Variants in SIPA1L2 observed in about 807,000 individuals in gnomAD.
The protein encoded by SIPA1L2 is signal-induced proliferation-associated 1-like protein 2.
A neutral mutation model predicts 163.9 loss-of-function variants in SIPA1L2; 56 were observed. The ratio of observed to expected loss-of-function variants is 0.34; its 90% confidence interval spans 0.28 to 0.43. SIPA1L2 has a LOEUF of 0.43. Ranked by LOEUF, SIPA1L2 falls within the 20% of genes least tolerant of loss-of-function variation. The pLI, the probability that SIPA1L2 is intolerant of heterozygous loss-of-function variation, is 1.00. For missense variants in SIPA1L2, 1,974 were observed against 2,193.5 expected, an observed-to-expected ratio of 0.90 and a Z score of 2.00; for synonymous variants, 877 against 865.7, an observed-to-expected ratio of 1.01 and a Z score of -0.23.
At chr1:232,588,693 G>GTTT (rs1219438988) in intron 1 of SIPA1L2, among the ~76,000 whole-genome samples, 3 of 152,144 alleles carry the variant, frequency 2.0e-5, no homozygotes, top group Admixed American at 2.0e-4. Context: ...GTGAGGCTAG[G>GTTT]TTTTCTTTGG....
intron 12 of SIPA1L2, among the ~76,000 whole-genome samples, chr1:232,442,721 G>C (rs77798952): frequency 0.022 from 3,367 of 152,168 alleles, 129 homozygotes; most frequent in African/African-American, 0.075. Context: ...TACAGAAAAA[G>C]CCAGAAAAGG....
chr1:232,405,519 G>T (rs184285260), intron 19 of SIPA1L2, among the ~76,000 whole-genome samples: 2 of 152,334 alleles, frequency 1.3e-5, no homozygotes, highest in Non-Finnish European at 2.9e-5. Flanking sequence ...AGAGCTGGGG[G>T]CAGAATCCTG....
At chr1:232,400,575 C>T (rs1031760670) in intron 22 of SIPA1L2, among the ~76,000 whole-genome samples, 6 of 152,152 alleles carry the variant, frequency 3.9e-5, no homozygotes, top group East Asian at 1.9e-4. Flanking sequence ...CTCTAAAAAA[C>T]GTGCCATTAG....
intron 3 of SIPA1L2, among the ~76,000 whole-genome samples, chr1:232,513,633 C>T (rs1366496236): frequency 1.3e-5 from 2 of 152,152 alleles, no homozygotes; most frequent in African/African-American, 2.4e-5. Flanking sequence ...AGGGCATTTA[C>T]ACATTAAGGA....
chr1:232,512,895 G>A (rs1342161469), intron 3 of SIPA1L2, among the ~76,000 whole-genome samples: 1 of 152,246 alleles, frequency 6.6e-6, no homozygotes, highest in Non-Finnish European at 1.5e-5. Flanking sequence ...AGGAGGAGGA[G>A]AGTAGCGGGG....
At position 232,515,430 on chromosome 1, in the gene SIPA1L2, A is replaced by G. The variant is rs1667179196; in HGVS notation, c.-91T>C. The G allele has an allele frequency of 7.5e-7, 1 of 1,334,160 alleles. No individual in the cohort carries two copies. The highest frequency in any genetic ancestry group is 1.5e-5 in the African/African-American group (1 of 68,606). 82.6% of individuals were successfully genotyped at this position (1,334,160 alleles called of 1,614,324 possible). A position where few individuals can be genotyped will look rare whatever the true frequency, so the allele number is the denominator to read the frequency against. Reference sequence around the variant, plus strand: ...CGACCACGCCATAATACTTGCAGATATAAAGGCTTTGTCTGTAGTTGTATT... The same window carrying G: ...CGACCACGCCATAATACTTGCAGATGTAAAGGCTTTGTCTGTAGTTGTATT... On this transcript the variant is annotated 5_prime_UTR_variant, in exon 3 of 23. Coordinates refer to ENST00000674635, the MANE Select transcript of SIPA1L2 (RefSeq NM_020808.5).
intron 2 of SIPA1L2, among the ~76,000 whole-genome samples, chr1:232,557,825 T>C (rs1231461367): frequency 6.6e-6 from 1 of 152,228 alleles, no homozygotes; most frequent in Non-Finnish European, 1.5e-5. Context: ...GATTGTCAGC[T>C]AAATGAAACA....
chr1:232,475,372 AT>A (rs1664990216), intron 7 of SIPA1L2, among the ~76,000 whole-genome samples: 1 of 152,178 alleles, frequency 6.6e-6, no homozygotes, highest in South Asian at 2.1e-4. Flanking sequence ...GATGGCCCTA[AT>A]TTTGCACTTA....
intron 1 of SIPA1L2, among the ~76,000 whole-genome samples, chr1:232,611,266 A>T (rs1424305326): frequency 6.6e-6 from 1 of 152,172 alleles, no homozygotes; most frequent in Admixed American, 6.5e-5. Context: ...CTTTATCAGC[A>T]GCGTGAAAAT....
chr1:232,417,380 T>G (rs1661322311), intron 18 of SIPA1L2, among the ~76,000 whole-genome samples: 2 of 152,194 alleles, frequency 1.3e-5, no homozygotes. Context: ...ATGGATATAT[T>G]GTCCACATTG....
Position 232,461,129 on chromosome 1 carries a change from C to G in SIPA1L2, c.2853G>C (p.Met951Ile). Residue 951 changes from methionine (M) to isoleucine (I), a missense_variant, in exon 10 of 23, where the codon ATG becomes ATC. Physicochemically the swap from Met to Ile is conservative, Grantham distance 10. Around this residue, in one of 3 missense-constraint regions of SIPA1L2, gnomAD observed 1,079 missense variants for 1,150.7 expected, o/e 0.94. Transcript: ENST00000674635. The stretch of plus-strand genomic sequence containing the variant: ...GGCCCAGCCCGTTCCTCCTCAGGGT[C>G]ATTTCCACAGTCTCGCAGCCTCTCG... ...IVTRGCETVE[M>I]TLRRNGLGQL... 2 of 1,614,258 alleles carry G rather than the reference C, an allele frequency of 1.2e-6. No individual in the cohort carries two copies. The highest frequency in any genetic ancestry group is 1.7e-6 in the Non-Finnish European group (2 of 1,180,042).
intron 2 of SIPA1L2, among the ~76,000 whole-genome samples, chr1:232,534,805 C>A (rs755456494): frequency 1.6e-4 from 25 of 152,190 alleles, no homozygotes; most frequent in Non-Finnish European, 2.9e-4. Context: ...GCATCTACAT[C>A]CAGCCTCATG....
intron 2 of SIPA1L2, among the ~76,000 whole-genome samples, chr1:232,562,643 T>C (rs1203533212): frequency 6.6e-6 from 1 of 152,232 alleles, no homozygotes; most frequent in African/African-American, 2.4e-5. Context: ...AAGAATGGAT[T>C]CGAAGCCAAC....
At chr1:232,485,572 T>C (rs1457917771) in intron 5 of SIPA1L2, among the ~76,000 whole-genome samples, 1 of 152,208 alleles carries the variant, frequency 6.6e-6, no homozygotes, top group Non-Finnish European at 1.5e-5. Context: ...CCTCATTTTA[T>C]TGTAAACATT....
chr1:232,407,475 A>C (rs1660708817), intron 19 of SIPA1L2, among the ~76,000 whole-genome samples: 1 of 152,256 alleles, frequency 6.6e-6, no homozygotes, highest in Admixed American at 6.5e-5. Context: ...TGTTTAAGAA[A>C]CCAAGGGCCT....
chr1:232,425,951 A>T, intron 17 of SIPA1L2, 143 bp from the exon 18 acceptor site: 1 of 710,690 alleles, frequency 1.4e-6, no homozygotes. Context: ...TGCCAAACGC[A>T]GCATGCAGGG....
intron 3 of SIPA1L2, among the ~76,000 whole-genome samples, chr1:232,494,748 C>T (rs1363748349): frequency 1.3e-5 from 2 of 152,196 alleles, no homozygotes; most frequent in Non-Finnish European, 2.9e-5. Flanking sequence ...TACCCAAATG[C>T]TTATTAATGC....
At chr1:232,572,676 T>C (rs548194565) in intron 2 of SIPA1L2, among the ~76,000 whole-genome samples, 3,789 of 128,136 alleles carry the variant, frequency 0.03, 190 homozygotes, top group African/African-American at 0.11. Flanking sequence ...TATATATATA[T>C]ACACACACAT....
intron 2 of SIPA1L2, among the ~76,000 whole-genome samples, chr1:232,552,164 A>C (rs1318665040): frequency 6.6e-6 from 1 of 152,136 alleles, no homozygotes; most frequent in Non-Finnish European, 1.5e-5. Flanking sequence ...TTTAAGCCAG[A>C]GAGGGTTAGA....
Sources: allele counts gnomAD v4.1 joint callset (sites outside exome capture counted in the v4.1 genomes callset), GRCh38; gene constraint gnomAD v4.1.1; regional missense constraint gnomAD v4.1.1; transcripts MANE v1.5; gene names NCBI Gene and HGNC (gene_info 2026-07-23, HGNC 2026-07-21).